The following PDE9A variants were observed in gnomAD, a reference collection of about 807,000 sequenced individuals.
PDE9A encodes high affinity cGMP-specific 3',5'-cyclic phosphodiesterase 9A.
PDE9A carries 60 observed loss-of-function variants against 87.4 expected under a neutral mutation model. The ratio of observed to expected loss-of-function variants is 0.69; its 90% confidence interval spans 0.56 to 0.85. The LOEUF is 0.85. PDE9A is among the 40% of genes least tolerant of loss of function. The pLI, the probability that PDE9A is intolerant of heterozygous loss-of-function variation, is 0.00. For synonymous variants in PDE9A, 272 were observed against 279.4 expected (o/e 0.97, Z 0.27); for missense variants, 665 against 779.0 (o/e 0.85, Z 1.74).
At chr21:42,662,733 GGCACATCACACACAAGAAC>G (rs2057624853) in intron 1 of PDE9A, among the ~76,000 whole-genome samples, 1 of 106,374 alleles carries the variant, frequency 9.4e-6, no homozygotes, top group South Asian at 3.2e-4. Flanking sequence ...GTACACACCA[GGCACATCACACACAAGAAC>G]GCACACCACA....
At chr21:42,677,174 A>G (rs1347462842) in intron 1 of PDE9A, among the ~76,000 whole-genome samples, 1 of 152,234 alleles carries the variant, frequency 6.6e-6, no homozygotes, top group African/African-American at 2.4e-5. Context: ...GAAAGATTGT[A>G]GAATAATTAT....
At chr21:42,699,370 C>T (rs905727847) in intron 4 of PDE9A, among the ~76,000 whole-genome samples, 5 of 152,172 alleles carry the variant, frequency 3.3e-5, no homozygotes, top group Non-Finnish European at 5.9e-5. Context: ...CCCTGCCCCT[C>T]GGCCAGAGGC....
chr21:42,683,874 C>A (rs1261120051), intron 1 of PDE9A, among the ~76,000 whole-genome samples: 1 of 152,158 alleles, frequency 6.6e-6, no homozygotes, highest in Non-Finnish European at 1.5e-5. Flanking sequence ...GATGTGGTGC[C>A]CTTTGTGCCC....
At chr21:42,755,459 C>G (rs1310000224) in intron 10 of PDE9A, among the ~76,000 whole-genome samples, 1 of 152,260 alleles carries the variant, frequency 6.6e-6, no homozygotes, top group Non-Finnish European at 1.5e-5. Context: ...TGCTGCAAAC[C>G]TGCTCAAAAC....
chr21:42,761,570 C>T lies in PDE9A; in HGVS notation c.1086-513C>T, dbSNP rs554233557. ...TGTGTTTGTGTGATGTCATCACATG[C>T]CTGAGAGCTCTGCTGCCATGTGTCA... On this transcript the variant is annotated intron_variant, in intron 13 of 19. Transcript: ENST00000291539. Among the ~76,000 whole-genome samples, 6 of 152,358 alleles carry T rather than the reference C, an allele frequency of 3.9e-5. No homozygotes were observed. In the South Asian group the frequency reaches 1.2e-3, roughly 32 times the overall value.
chr21:42,773,921 G>T (rs530716704), intron 19 of PDE9A, among the ~76,000 whole-genome samples: 23 of 151,052 alleles, frequency 1.5e-4, no homozygotes, highest in Admixed American at 2.6e-4. Context: ...TGGCTAACAC[G>T]GTGAAACCCT....
At chr21:42,766,802 G>A (rs778014207) in intron 15 of PDE9A, among the ~76,000 whole-genome samples, 6 of 152,200 alleles carry the variant, frequency 3.9e-5, no homozygotes, top group Non-Finnish European at 5.9e-5. Context: ...TATGAGGAAG[G>A]CAGAGATGGA....
At chr21:42,670,481 CAT>C (rs1012542162) in intron 1 of PDE9A, among the ~76,000 whole-genome samples, 53 of 151,236 alleles carry the variant, frequency 3.5e-4, no homozygotes, top group Non-Finnish European at 5.0e-4. Flanking sequence ...GACTTACACA[CAT>C]ACACTTACAC....
At chr21:42,700,334 G>C (rs1416841346) in intron 4 of PDE9A, among the ~76,000 whole-genome samples, 1 of 152,128 alleles carries the variant, frequency 6.6e-6, no homozygotes, top group Non-Finnish European at 1.5e-5. Flanking sequence ...ACAAGTATTG[G>C]TGGAAACGTA....
intron 1 of PDE9A, among the ~76,000 whole-genome samples, chr21:42,679,819 A>G (rs1272348126): frequency 6.6e-6 from 1 of 152,198 alleles, no homozygotes; most frequent in East Asian, 1.9e-4. Context: ...GGCCCTGGGC[A>G]TGGGTTTCGC....
At chr21:42,691,305 C>A (rs924184058) in intron 3 of PDE9A, among the ~76,000 whole-genome samples, 2 of 151,084 alleles carry the variant, frequency 1.3e-5, no homozygotes, top group African/African-American at 4.9e-5. Context: ...TCCAAAGTCA[C>A]GCATCCTGTC....
chr21:42,766,370 C>G (rs938599111), intron 15 of PDE9A, among the ~76,000 whole-genome samples: 4 of 151,682 alleles, frequency 2.6e-5, no homozygotes, highest in African/African-American at 9.7e-5. Context: ...CCCTCCCGGC[C>G]TTCAGAGAGA....
intron 1 of PDE9A, among the ~76,000 whole-genome samples, chr21:42,658,417 CAG>C (rs1023302730): frequency 2.0e-5 from 3 of 152,220 alleles, no homozygotes; most frequent in Non-Finnish European, 4.4e-5. Context: ...CCCAGCTCCT[CAG>C]GGGAGAGGAG....
intron 3 of PDE9A, among the ~76,000 whole-genome samples, chr21:42,690,679 C>CCCTGCCTCCAG (rs1013852937): frequency 2.6e-5 from 4 of 152,066 alleles, no homozygotes; most frequent in Non-Finnish European, 5.9e-5. Context: ...GCTCTGACCT[C>CCCTGCCTCCAG]CCTGCCTCCA....
intron 3 of PDE9A, among the ~76,000 whole-genome samples, chr21:42,691,767 A>G (rs2059853426): frequency 6.7e-6 from 1 of 148,278 alleles, no homozygotes; most frequent in Admixed American, 6.7e-5. Context: ...ACCCAGACCC[A>G]TGACCATCAC....
At chr21:42,673,906 G>A (rs1044433155) in intron 1 of PDE9A, among the ~76,000 whole-genome samples, 21 of 152,250 alleles carry the variant, frequency 1.4e-4, no homozygotes, top group African/African-American at 5.1e-4. Flanking sequence ...GCCATGAACG[G>A]CCTCACAGAC....
chr21:42,766,335 G>A (rs1276387555), intron 15 of PDE9A, among the ~76,000 whole-genome samples: 3 of 152,120 alleles, frequency 2.0e-5, no homozygotes, highest in African/African-American at 7.2e-5. Flanking sequence ...AGATAACAGA[G>A]AGAGAGAGAG....
At chr21:42,691,338 A>G (rs1444032952) in intron 3 of PDE9A, among the ~76,000 whole-genome samples, 1 of 124,578 alleles carries the variant, frequency 8.0e-6, no homozygotes, top group East Asian at 2.5e-4. Context: ...CAAAGTCACC[A>G]AGCCCCTTCA....
Position 42,694,504 on chromosome 21 carries a change from G to T in PDE9A, c.219-4464G>T, listed in dbSNP as rs1305103384. 3.3e-5 allele frequency among the ~76,000 whole-genome samples: 5 copies of T among 152,204 alleles called. No individual in the cohort carries two copies. The highest frequency in any genetic ancestry group is 7.3e-5 in the Non-Finnish European group (5 of 68,028). On this transcript the variant is annotated intron_variant, in intron 3 of 19. Coordinates refer to ENST00000291539, the MANE Select transcript of PDE9A (RefSeq NM_002606.3). This position sits in a 1 kb window ranked among gnomAD's most constrained non-coding sequence, Gnocchi z 5.3. ...TGACAGACCACCTCCATCCTGATCA[G>T]AAGGGGTGATGCCGGTTGCACGGTC...
Sources: gnomAD v4.1 joint callset for allele counts (sites outside exome capture counted in the v4.1 genomes callset) on GRCh38, gnomAD v4.1.1 for gene constraint, Gnocchi (gnomAD v3.1) non-coding constraint, MANE v1.5 for transcripts, NCBI Gene and HGNC (gene_info 2026-07-23, HGNC 2026-07-21) for gene names.